XPO7: variants seen among roughly 807,000 people sequenced by gnomAD.
XPO7 encodes the protein exportin-7.
Under a neutral mutation model 144.3 loss-of-function variants are expected in XPO7, and 21 were observed. The ratio of observed to expected loss-of-function variants is 0.15; its 90% CI spans 0.10 to 0.21. The LOEUF (loss-of-function observed/expected upper bound fraction) is 0.21, where lower values mean the gene tolerates loss of function less well. Ranked by LOEUF, XPO7 falls within the 10% of genes least tolerant of loss-of-function variation. The probability of loss-of-function intolerance (pLI) is 1.00; values close to 1 mark genes in which losing one functional copy is unlikely to be tolerated. For missense variants in XPO7, 808 were observed against 1,325.8 expected (o/e 0.61, Z 6.06); for synonymous variants, 580 against 499.6 (o/e 1.16, Z -2.15).
chr8:21,929,078 G>C (rs183200391), intron 1 of XPO7, among the ~76,000 whole-genome samples: 1 of 152,344 alleles, frequency 6.6e-6, no homozygotes, highest in African/African-American at 2.4e-5. Flanking sequence ...AGTTTGACAG[G>C]AACTGCATCA....
intron 1 of XPO7, among the ~76,000 whole-genome samples, chr8:21,939,376 A>G (rs1025009104): frequency 1.3e-5 from 2 of 152,030 alleles, no homozygotes; most frequent in African/African-American, 2.4e-5. Flanking sequence ...ATGTGCCACC[A>G]TGCCCAGCTA....
chr8:21,943,560 G>T (rs1203237357), intron 1 of XPO7, among the ~76,000 whole-genome samples: 1 of 152,116 alleles, frequency 6.6e-6, no homozygotes, highest in Admixed American at 6.5e-5. Context: ...TAGTATTAAA[G>T]GGTGAGTCAT....
chr8:21,960,445 A>G (rs1278223066), intron 1 of XPO7, among the ~76,000 whole-genome samples: 1 of 152,232 alleles, frequency 6.6e-6, no homozygotes, highest in Non-Finnish European at 1.5e-5. Flanking sequence ...TCAATAAACC[A>G]TTAAGTGACT....
chr8:21,965,639 G>C (rs541046078), intron 1 of XPO7, among the ~76,000 whole-genome samples: 1 of 152,124 alleles, frequency 6.6e-6, no homozygotes, highest in Non-Finnish European at 1.5e-5. Flanking sequence ...AGTATTCATC[G>C]TTCTTGTTTC....
intron 1 of XPO7, among the ~76,000 whole-genome samples, chr8:21,951,298 A>T (rs1292918656): frequency 6.6e-6 from 1 of 151,548 alleles, no homozygotes; most frequent in Non-Finnish European, 1.5e-5. Flanking sequence ...GCCTACCTTA[A>T]TTACCCTTTT....
chr8:21,960,906 C>G (rs1307470221), intron 1 of XPO7, among the ~76,000 whole-genome samples: 1 of 152,106 alleles, frequency 6.6e-6, no homozygotes, highest in Non-Finnish European at 1.5e-5. Flanking sequence ...CAATAAGTAA[C>G]TAGAGAATTT....
At chr8:21,951,374 G>GT (rs889045833) in intron 1 of XPO7, among the ~76,000 whole-genome samples, 6 of 150,680 alleles carry the variant, frequency 4.0e-5, no homozygotes, top group South Asian at 2.1e-4. Context: ...ACTCTTCTCT[G>GT]TTTTTTTTAT....
chr8:21,922,887 G>T (rs1314763038), intron 1 of XPO7, among the ~76,000 whole-genome samples: 1 of 152,162 alleles, frequency 6.6e-6, no homozygotes, highest in East Asian at 1.9e-4. Context: ...TTGCAAAGTA[G>T]TCATAGTTTG....
intron 12 of XPO7, among the ~76,000 whole-genome samples, chr8:21,985,066 G>A (rs1344144353): frequency 1.0e-5 from 1 of 98,164 alleles, no homozygotes; most frequent in East Asian, 2.8e-4. Flanking sequence ...ATGAGGTCTC[G>A]CTATGTTGCC....
At chr8:21,963,355 C>T (rs1295506710) in intron 1 of XPO7, among the ~76,000 whole-genome samples, 1 of 152,110 alleles carries the variant, frequency 6.6e-6, no homozygotes, top group African/African-American at 2.4e-5. Context: ...GAATCGTAGT[C>T]TGTGATTGGA....
At chr8:21,961,958 C>T (rs1002329222) in intron 1 of XPO7, among the ~76,000 whole-genome samples, 2 of 152,242 alleles carry the variant, frequency 1.3e-5, no homozygotes, top group African/African-American at 4.8e-5. Flanking sequence ...CCACCACGCC[C>T]TGCCTCATTT....
At chr8:21,955,852 C>A (rs1811519528) in intron 1 of XPO7, among the ~76,000 whole-genome samples, 1 of 151,374 alleles carries the variant, frequency 6.6e-6, no homozygotes, top group Admixed American at 6.6e-5. Flanking sequence ...CCTCGGCCTC[C>A]CAAGTAGCTC....
intron 1 of XPO7, among the ~76,000 whole-genome samples, chr8:21,947,281 C>CT (rs1469145649): frequency 3.9e-5 from 6 of 152,132 alleles, no homozygotes; most frequent in Admixed American, 3.9e-4. Flanking sequence ...ATAAGATACA[C>CT]TGCCTAATTT....
At chr8:21,968,384 G>C (rs1418304658) in intron 2 of XPO7, among the ~76,000 whole-genome samples, 1 of 152,230 alleles carries the variant, frequency 6.6e-6, no homozygotes, top group Non-Finnish European at 1.5e-5. Context: ...TTATCCGTTA[G>C]TAGCTGAGGG....
intron 1 of XPO7, among the ~76,000 whole-genome samples, chr8:21,954,421 G>A (rs1380115283): frequency 6.6e-6 from 1 of 152,160 alleles, no homozygotes; most frequent in Non-Finnish European, 1.5e-5. Flanking sequence ...GGATCACGAG[G>A]TCAGGAGTTC....
chr8:21,988,787 C>G, intron 15 of XPO7: 1 of 547,516 alleles, frequency 1.8e-6, no homozygotes, highest in Non-Finnish European at 3.3e-6. Flanking sequence ...GCTTTGGAAC[C>G]AAGTAGTGAA....
chr8:21,922,924 A>G (rs1043874599), intron 1 of XPO7, among the ~76,000 whole-genome samples: 1 of 152,194 alleles, frequency 6.6e-6, no homozygotes, highest in Non-Finnish European at 1.5e-5. Flanking sequence ...CAGTAATTAA[A>G]TATTGACTAC....
At chr8:21,991,793 C>A in intron 18 of XPO7, 75 bp from the exon 19 acceptor site, 1 of 1,205,594 alleles carries the variant, frequency 8.3e-7, no homozygotes, top group Non-Finnish European at 1.1e-6. Context: ...GCTCCTCTTT[C>A]ATCCCATCTT....
intron 13 of XPO7, among the ~76,000 whole-genome samples, chr8:21,986,633 G>T (rs997492471): frequency 1.3e-5 from 2 of 152,146 alleles, no homozygotes; most frequent in Admixed American, 6.5e-5. Flanking sequence ...ATGCCTTTCT[G>T]ATTCTGCAGC....
Sources: allele counts gnomAD v4.1 joint callset (sites outside exome capture counted in the v4.1 genomes callset), GRCh38; gene constraint gnomAD v4.1.1; transcripts MANE v1.5; gene names NCBI Gene and HGNC (gene_info 2026-07-23, HGNC 2026-07-21).